The following SAR1A variants were observed in gnomAD, a reference collection of about 807,000 sequenced individuals.
The protein encoded by SAR1A is secretion associated Ras related GTPase 1A.
Under a neutral mutation model 22.6 loss-of-function variants are expected in SAR1A, and 6 were observed. That is an observed-to-expected ratio of 0.27 (90% CI 0.15 to 0.52). The LOEUF (loss-of-function observed/expected upper bound fraction) is 0.52. Among genes scored for constraint, SAR1A ranks in the 20% least tolerant of loss-of-function variants. SAR1A has a pLI of 0.96. For synonymous variants in SAR1A, 70 were observed against 82.2 expected (o/e 0.85, Z 0.80); for missense variants, 145 against 245.1 (o/e 0.59, Z 2.73).
chr10:70,168,092 C>T (rs956797481), intron 1 of SAR1A, among the ~76,000 whole-genome samples: 1 of 152,188 alleles, frequency 6.6e-6, no homozygotes, highest in Non-Finnish European at 1.5e-5. Context: ...GCACACCCCT[C>T]ATTAAGGTCA....
chr10:70,166,457 T>C (rs912570859), intron 1 of SAR1A, among the ~76,000 whole-genome samples: 1 of 152,166 alleles, frequency 6.6e-6, no homozygotes, highest in Admixed American at 6.5e-5. Flanking sequence ...ATCTATCCTG[T>C]AAACAACTCT....
chr10:70,158,896 T>A (rs78672691), intron 4 of SAR1A, among the ~76,000 whole-genome samples: 5,362 of 152,278 alleles, frequency 0.035, 115 homozygotes, highest in East Asian at 0.058. Flanking sequence ...CATCAATACA[T>A]TTCCCTTCTT....
Position 70,151,259 on chromosome 10 carries a change from C to CAAAAAAAAAAAAAAAAAAAAAAAAAA in SAR1A, c.*1216_*1217insTTTTTTTTTTTTTTTTTTTTTTTTTT, listed in dbSNP as rs201493587. The CAAAAAAAAAAAAAAAAAAAAAAAAAA allele has an allele frequency of 2.8e-5, 2 of 70,382 alleles. No homozygotes were observed. The highest frequency in any genetic ancestry group is 5.3e-5 in the Non-Finnish European group (2 of 38,024). 4.4% of individuals were successfully genotyped at this position (70,382 alleles called of 1,614,324 possible). A position where few individuals can be genotyped will look rare whatever the true frequency, so the allele number is the denominator to read the frequency against. ...GCAATGGAGAAAGACAATTTCATAC[C>CAAAAAAAAAAAAAAAAAAAAAAAAAA]AAAAAAAAAAAAAAAAAAAAAAAAA... On this transcript the variant is annotated 3_prime_UTR_variant, in exon 7 of 7. Coordinates refer to ENST00000373241, the MANE Select transcript of SAR1A (RefSeq NM_020150.5).
At chr10:70,161,518 G>A in intron 3 of SAR1A, 101 bp downstream of exon 3, 1 of 1,427,562 alleles carries the variant, frequency 7.0e-7, no homozygotes, top group Non-Finnish European at 9.5e-7. Flanking sequence ...TGGCTTTTGG[G>A]ACTTCAGTTA....
intron 1 of SAR1A, among the ~76,000 whole-genome samples, chr10:70,168,836 CT>C (rs2136725671): frequency 6.6e-6 from 1 of 152,092 alleles, no homozygotes; most frequent in East Asian, 1.9e-4. Context: ...CCCCGCCCCC[CT>C]TTTCTTAAGA....
intron 4 of SAR1A, among the ~76,000 whole-genome samples, chr10:70,158,674 T>G (rs1839426157): frequency 6.6e-6 from 1 of 151,732 alleles, no homozygotes; most frequent in Non-Finnish European, 1.5e-5. Context: ...GAAGGAACTT[T>G]CCATTTTACT....
At chr10:70,166,617 G>A (rs1430237031) in intron 1 of SAR1A, 1 of 151,934 alleles carries the variant, frequency 6.6e-6, no homozygotes, top group Non-Finnish European at 1.5e-5. Flanking sequence ...ACCATTAAGG[G>A]ATAAGAAGAG....
chr10:70,154,156 T>C (rs1164885441), intron 5 of SAR1A, among the ~76,000 whole-genome samples, 187 bp from the exon 6 acceptor site: 1 of 152,220 alleles, frequency 6.6e-6, no homozygotes, highest in Non-Finnish European at 1.5e-5. Context: ...ACCCATGACA[T>C]TAAGTAAAAA....
intron 1 of SAR1A, chr10:70,163,681 C>G (rs1589877976): frequency 2.6e-6 from 2 of 761,632 alleles, no homozygotes; most frequent in East Asian, 4.9e-5. Context: ...GTAGCACTTG[C>G]AGCATGGCTG....
At chr10:70,161,250 G>C (rs1238465312) in intron 3 of SAR1A, 181 bp from the exon 4 acceptor site, 1 of 569,734 alleles carries the variant, frequency 1.8e-6, no homozygotes, top group African/African-American at 1.9e-5. Flanking sequence ...GATAATCTGA[G>C]CCCAGGATTT....
At chr10:70,155,196 T>C in intron 5 of SAR1A, 1 of 468,006 alleles carries the variant, frequency 2.1e-6, no homozygotes, top group Non-Finnish European at 4.4e-6. Context: ...ACAAATAGTA[T>C]CTATCTGTGG....
chr10:70,152,728 G>A (rs1402030054), intron 6 of SAR1A, 136 bp from the exon 7 acceptor site: 1 of 664,036 alleles, frequency 1.5e-6, no homozygotes, highest in African/African-American at 1.8e-5. Flanking sequence ...ATGTGGTCAA[G>A]GCCATATAGA....
intron 1 of SAR1A, among the ~76,000 whole-genome samples, chr10:70,168,884 G>T (rs1839587606): frequency 6.6e-6 from 1 of 152,026 alleles, no homozygotes; most frequent in African/African-American, 2.4e-5. Context: ...GAAGTGCAGT[G>T]TTGCCATCAT....
rs185347193 is a variant in SAR1A, at chr10:70,162,845, C to T, written c.-16-914G>A. The T allele has an allele frequency of 1.6e-3, 240 of 152,362 alleles. 1 individual carries two copies. The highest frequency in any genetic ancestry group is 5.5e-3 in the African/African-American group (229 of 41,564). 9.4% of individuals were successfully genotyped at this position (152,362 alleles called of 1,614,324 possible). A position where few individuals can be genotyped will look rare whatever the true frequency, so the allele number is the denominator to read the frequency against. ...ATGTTACATTTTGGTAATTCTCACA[C>T]AATATTTCAAACTTTTTCATTATTC... On this transcript the variant is annotated intron_variant, in intron 1 of 6. Transcript: ENST00000373241.
At chr10:70,152,783 A>G (rs1373376242) in intron 6 of SAR1A, among the ~76,000 whole-genome samples, 191 bp from the exon 7 acceptor site, 6 of 152,220 alleles carry the variant, frequency 3.9e-5, no homozygotes, top group African/African-American at 1.4e-4. Flanking sequence ...TAAGCAGCAC[A>G]GTTCTATTCC....
chr10:70,166,801 TA>T, intron 1 of SAR1A: 1 of 130,726 alleles, frequency 7.6e-6, no homozygotes, highest in Admixed American at 8.4e-5. Context: ...CCAGCCTGGG[TA>T]ACATAGAGAG....
chr10:70,152,428 AG>A lies in SAR1A; in HGVS notation c.*47del, dbSNP rs768816603. 5.9e-6 allele frequency: 8 copies of A among 1,366,760 alleles called. No individual in the cohort carries two copies. In the East Asian group the frequency reaches 1.1e-4, roughly 20 times the overall value. The allele number at this position is 1,366,760 out of a possible 1,614,324, so 84.7% of individuals were successfully genotyped here. A position where few individuals can be genotyped will look rare whatever the true frequency, so the allele number is the denominator to read the frequency against. ...AAAAGTTCATGAGGAAGCTGTGAAT[AG>A]GATCAGTCCAGAGAAGTAAAACTCT... is the stretch of plus-strand genomic sequence containing the variant. On this transcript the variant is annotated 3_prime_UTR_variant, in exon 7 of 7. Transcript: ENST00000373241.
intron 1 of SAR1A, among the ~76,000 whole-genome samples, chr10:70,162,516 ATGGAAGGGG>A (rs1589877425): frequency 1.0e-5 from 1 of 99,730 alleles, no homozygotes; most frequent in Non-Finnish European, 2.0e-5. Flanking sequence ...GGAGGAGGGG[ATGGAAGGGG>A]AGGGGAGGAA....
At chr10:70,167,993 T>C (rs762800647) in intron 1 of SAR1A, among the ~76,000 whole-genome samples, 4 of 152,194 alleles carry the variant, frequency 2.6e-5, no homozygotes, top group Non-Finnish European at 5.9e-5. Context: ...AAAAGAACAA[T>C]GTGCCCTTCC....
Sources: gnomAD v4.1 joint callset for allele counts (sites outside exome capture counted in the v4.1 genomes callset) on GRCh38, gnomAD v4.1.1 for gene constraint, MANE v1.5 for transcripts, NCBI Gene and HGNC (gene_info 2026-07-23, HGNC 2026-07-21) for gene names.